Variants in MALRD1 observed in about 807,000 individuals in gnomAD.
The protein encoded by MALRD1 is MAM and LDL receptor class A domain containing 1, also known as MAM and LDL-receptor class A domain-containing protein 1.
In MALRD1, 247 loss-of-function variants were observed where a neutral mutation model predicts 242.1. The ratio of observed to expected loss-of-function variants is 1.02; its 90% CI spans 0.92 to 1.13. The LOEUF (loss-of-function observed/expected upper bound fraction) is 1.13. Ranked by LOEUF, MALRD1 falls within the 50% of genes most tolerant of loss-of-function variation. The pLI, the probability that MALRD1 is intolerant of heterozygous loss-of-function variation, is 0.00. For synonymous variants in MALRD1, 995 were observed against 866.6 expected, an observed-to-expected ratio of 1.15 and a Z score of -2.60; for missense variants, 2,989 against 2,533.1, an observed-to-expected ratio of 1.18 and a Z score of -3.86.
At chr10:19,096,855 C>T (rs902693013) in intron 4 of MALRD1, among the ~76,000 whole-genome samples, 7 of 152,152 alleles carry the variant, frequency 4.6e-5, no homozygotes, top group African/African-American at 1.4e-4. Context: ...CAGCTTAGCA[C>T]GGGCTTTGGA....
chr10:19,300,225 C>T (rs1841883950), intron 21 of MALRD1, among the ~76,000 whole-genome samples: 1 of 151,812 alleles, frequency 6.6e-6, no homozygotes, highest in Admixed American at 6.6e-5. Context: ...AGAGATGACA[C>T]AAGCAAACGG....
chr10:19,278,747 G>T (rs61458006), intron 19 of MALRD1, among the ~76,000 whole-genome samples: 18,989 of 152,060 alleles, frequency 0.12, 1,285 homozygotes, highest in African/African-American at 0.17. Context: ...TGCAAAAAAT[G>T]CACGAGGAGA....
At position 19,692,886 on chromosome 10, in the gene MALRD1, T is replaced by TATATATATATATATATATATAA. The variant is rs373717863; in HGVS notation, c.6314+333_6314+334insTATATATATATATATATATAAA. On this transcript the variant is annotated intron_variant, in intron 38 of 39. Transcript: ENST00000454679. Reference sequence around the variant, plus strand: ...ATGAAATTATATATATATATATATATAATTTCATCCCTGGAATGCAAGGCT... The same window carrying TATATATATATATATATATATAA: ...ATGAAATTATATATATATATATATATATATATATATATATATATATAAAATTTCATCCCTGGAATGCAAGGCT... Among the ~76,000 whole-genome samples, 325 of 136,820 alleles carry TATATATATATATATATATATAA rather than the reference T, an allele frequency of 2.4e-3. 6 individuals are homozygous for TATATATATATATATATATATAA. Among genetic ancestry groups the TATATATATATATATATATATAA allele is most frequent in the African/African-American group, 8.6e-3 (296 of 34,502 alleles). 89.8% of individuals were successfully genotyped at this position (136,820 alleles called of 152,430 possible).
intron 19 of MALRD1, among the ~76,000 whole-genome samples, chr10:19,268,764 G>A (rs1380305814): frequency 6.6e-6 from 1 of 152,120 alleles, no homozygotes; most frequent in Non-Finnish European, 1.5e-5. Flanking sequence ...GGGAAGTCTA[G>A]TATAAAACAA....
intron 15 of MALRD1, 137 bp from the exon 16 acceptor site, chr10:19,204,171 A>G: frequency 1.5e-6 from 1 of 675,006 alleles, no homozygotes; most frequent in African/African-American, 1.8e-5. Context: ...TTTGACTAAG[A>G]GTCACTGATT....
At chr10:19,596,552 G>A (rs144932651) in intron 34 of MALRD1, among the ~76,000 whole-genome samples, 1,672 of 151,982 alleles carry the variant, frequency 0.011, 12 homozygotes, top group Non-Finnish European at 0.015. Context: ...AACATAGTGA[G>A]AACCCATCTA....
chr10:19,333,230 A>G (rs950551244), intron 24 of MALRD1, among the ~76,000 whole-genome samples: 4 of 152,104 alleles, frequency 2.6e-5, no homozygotes, highest in African/African-American at 7.2e-5. Flanking sequence ...GATTTGGGGT[A>G]TGGTTAGTCT....
rs1554783768 is a variant in MALRD1 at position 19,490,514 on chromosome 10, G to GGGC, written c.5030-1002_5030-1000dup. Among the ~76,000 whole-genome samples the GGGC allele has an allele frequency of 3.9e-5, 5 of 128,854 alleles. 1 individual carries two copies. The highest frequency in any genetic ancestry group is 4.1e-3 in the Middle Eastern group (1 of 244). 84.5% of individuals were successfully genotyped at this position (128,854 alleles called of 152,430 possible). On this transcript the variant is annotated intron_variant, in intron 29 of 39. Coordinates refer to ENST00000454679, the MANE Select transcript of MALRD1 (RefSeq NM_001142308.3). ...GAAGAAGCCAAGTGGGGCGGGGGGG[G>GGGC]GGCAGGGTTATGGGGGTGAGGGTAG...
At chr10:19,285,072 G>A (rs1479562909) in intron 21 of MALRD1, among the ~76,000 whole-genome samples, 6 of 127,478 alleles carry the variant, frequency 4.7e-5, no homozygotes, top group East Asian at 4.5e-4. Flanking sequence ...GTCTGTTCAT[G>A]TCCTTCGCCC....
At chr10:19,268,190 G>T (rs1840046112) in intron 19 of MALRD1, among the ~76,000 whole-genome samples, 1 of 127,024 alleles carries the variant, frequency 7.9e-6, no homozygotes, top group South Asian at 2.2e-4. Flanking sequence ...AAATGTCATT[G>T]AATCTTTGTT....
At chr10:19,065,311 GAAGA>G (rs1358526922) in intron 1 of MALRD1, among the ~76,000 whole-genome samples, 4 of 103,270 alleles carry the variant, frequency 3.9e-5, no homozygotes, top group Admixed American at 9.9e-5. Context: ...AAAAAAAAAG[GAAGA>G]AAGAAAGAGA....
chr10:19,429,283 A>C (rs920667428), intron 28 of MALRD1, among the ~76,000 whole-genome samples: 2 of 151,924 alleles, frequency 1.3e-5, no homozygotes, highest in African/African-American at 4.9e-5. Flanking sequence ...AAATAGAGTC[A>C]CTTAGGCCGG....
At chr10:19,106,778 C>G (rs1836479774) in intron 5 of MALRD1, among the ~76,000 whole-genome samples, 1 of 151,840 alleles carries the variant, frequency 6.6e-6, no homozygotes, top group African/African-American at 2.4e-5. Flanking sequence ...GGTATAAACT[C>G]CTCTCTTAGA....
intron 13 of MALRD1, among the ~76,000 whole-genome samples, chr10:19,170,174 T>A (rs1219422301): frequency 6.6e-6 from 1 of 152,220 alleles, no homozygotes; most frequent in Non-Finnish European, 1.5e-5. Context: ...CCTCTATTTC[T>A]TGTGAGAGTT....
intron 29 of MALRD1, among the ~76,000 whole-genome samples, chr10:19,467,415 A>AAAGTT: frequency 7.0e-6 from 1 of 143,748 alleles, no homozygotes; most frequent in African/African-American, 2.5e-5. Context: ...AAAAAAAAGA[A>AAAGTT]AAAGACCTTT....
At chr10:19,540,011 T>C (rs564559032) in intron 32 of MALRD1, among the ~76,000 whole-genome samples, 1 of 151,876 alleles carries the variant, frequency 6.6e-6, no homozygotes, top group East Asian at 2.0e-4. Flanking sequence ...CCATGCCACA[T>C]GCCCAGTGTG....
At chr10:19,644,245 T>C (rs569266453) in intron 36 of MALRD1, among the ~76,000 whole-genome samples, 1 of 152,186 alleles carries the variant, frequency 6.6e-6, no homozygotes, top group South Asian at 2.1e-4. Context: ...TCAAAGGCAA[T>C]GCTTTATAGG....
chr10:19,250,207 C>T (rs761446599), intron 18 of MALRD1, among the ~76,000 whole-genome samples: 1 of 151,914 alleles, frequency 6.6e-6, no homozygotes, highest in Non-Finnish European at 1.5e-5. Flanking sequence ...CTGTTAAAAT[C>T]TTATTATACC....
chr10:19,438,660 C>G (rs1834461059), intron 28 of MALRD1, among the ~76,000 whole-genome samples: 1 of 152,136 alleles, frequency 6.6e-6, no homozygotes, highest in African/African-American at 2.4e-5. Flanking sequence ...TTCACCAACA[C>G]TTGTTATTTT....
Sources: allele counts gnomAD v4.1 joint callset (sites outside exome capture counted in the v4.1 genomes callset), GRCh38; gene constraint gnomAD v4.1.1; transcripts MANE v1.5; gene names NCBI Gene and HGNC (gene_info 2026-07-23, HGNC 2026-07-21).